Variants in NR4A3 observed in about 807,000 individuals in gnomAD.
NR4A3 encodes nuclear receptor subfamily 4 group A member 3.
In NR4A3, 13 loss-of-function variants were observed where a neutral mutation model predicts 55.6. That is an observed-to-expected ratio of 0.23 (90% CI 0.15 to 0.37). The LOEUF is 0.37. NR4A3 is among the 10% of genes least tolerant of loss of function. The pLI is 1.00. For synonymous variants in NR4A3, 342 were observed against 357.9 expected (o/e 0.96, Z 0.50); for missense variants, 646 against 822.8 (o/e 0.79, Z 2.63).
rs1043981489 is a variant in NR4A3, at chr9:99,833,856, C to T, written c.1254+402C>T. On this transcript the variant is annotated intron_variant, in intron 5 of 7. Coordinates refer to ENST00000395097, the MANE Select transcript of NR4A3 (RefSeq NM_006981.4). ...TCAAGTTATTACTAAGCAGTTTATC[C>T]AATTGCATCAGCATTGATTGACCTG... 2.9e-5 allele frequency: 37 copies of T among 1,270,976 alleles called. No homozygotes were observed. In the African/African-American group the frequency reaches 5.1e-4, roughly 18 times the overall value. 78.7% of individuals were successfully genotyped at this position (1,270,976 alleles called of 1,614,324 possible).
Position 99,863,533 on chromosome 9 carries a change from A to G in NR4A3, c.1634-87A>G, listed in dbSNP as rs901353210. The G allele has an allele frequency of 1.1e-5, 17 of 1,486,976 alleles. No homozygotes were observed. In the African/African-American group the frequency reaches 1.4e-4, roughly 12 times the overall value. The allele number at this position is 1,486,976 out of a possible 1,614,324, so 92.1% of individuals were successfully genotyped here. The stretch of plus-strand genomic sequence containing the variant: ...CAAAGAAGCTATCCAAACTGGCAGA[A>G]TGAGACACAGACCTCAATTAGGGAT... On this transcript the variant is annotated intron_variant, in intron 7 of 7. Transcript: ENST00000395097.
intron 1 of NR4A3, among the ~76,000 whole-genome samples, chr9:99,824,742 A>G (rs1024393161): frequency 2.0e-5 from 3 of 152,348 alleles, no homozygotes; most frequent in East Asian, 1.9e-4. Context: ...AGGGGGCGCT[A>G]TAGGCCGGAG....
chr9:99,827,258 ATGTGTGTGTG>A (rs35554489), intron 2 of NR4A3, among the ~76,000 whole-genome samples: 2 of 145,010 alleles, frequency 1.4e-5, no homozygotes, highest in Middle Eastern at 3.3e-3. Context: ...GGATATATAT[ATGTGTGTGTG>A]TGTGTGTGTG....
chr9:99,857,139 A>G (rs1827940703), intron 7 of NR4A3, among the ~76,000 whole-genome samples: 3 of 152,186 alleles, frequency 2.0e-5, no homozygotes, highest in Non-Finnish European at 2.9e-5. Context: ...TGAGAGGGAG[A>G]TATAAATGCA....
rs773300672 is a variant in NR4A3 at position 99,828,418 on chromosome 9, G to A, written c.376G>A (p.Glu126Lys). 2.5e-6 allele frequency: 4 copies of A among 1,585,050 alleles called. No individual in the cohort carries two copies. The highest frequency in any genetic ancestry group is 3.4e-6 in the Non-Finnish European group (4 of 1,165,126). The change falls in exon 3 of 8, where the codon GAG becomes AAG. Residue 126 changes from glutamate (E) to lysine (K), a missense_variant. Coordinates refer to ENST00000395097, the MANE Select transcript of NR4A3 (RefSeq NM_006981.4). This position sits in a 1 kb window ranked among gnomAD's most constrained non-coding sequence, Gnocchi z 7.7. ...SIPPASSPED[E>K]VLPSTSMYFK... ...TCCTCCAGCCTCCAGCCCGGAGGAC[G>A]AGGTGCTGCCCAGCACCTCCATGTA...
rs1365983398 is a variant in NR4A3 at position 99,822,046 on chromosome 9, G to C, written c.-538G>C. 1 of 152,732 alleles carries C rather than the reference G, an allele frequency of 6.5e-6. No homozygotes were observed. Among genetic ancestry groups the C allele is most frequent in the Non-Finnish European group, 1.5e-5 (1 of 68,362 alleles). The allele number at this position is 152,732 out of a possible 1,614,324, so 9.5% of individuals were successfully genotyped here. ...CTCCGCACACACACTTCGCTCTCCC[G>C]CGCGCTCACACCCCTCTTGCCCTGA... is the stretch of plus-strand genomic sequence containing the variant. On this transcript the variant is annotated 5_prime_UTR_variant, in exon 1 of 8. Coordinates refer to ENST00000395097, the MANE Select transcript of NR4A3 (RefSeq NM_006981.4). This position sits in a 1 kb window ranked among gnomAD's most constrained non-coding sequence, Gnocchi z 4.9.
At chr9:99,832,576 C>T (rs1348034842) in intron 3 of NR4A3, 113 bp from the exon 4 acceptor site, 16 of 861,408 alleles carry the variant, frequency 1.9e-5, no homozygotes, top group African/African-American at 5.2e-5. Context: ...TTAAATTTAT[C>T]GAATTATACG....
intron 7 of NR4A3, among the ~76,000 whole-genome samples, chr9:99,857,175 A>C (rs1827941544): frequency 6.6e-6 from 1 of 152,146 alleles, no homozygotes; most frequent in South Asian, 2.1e-4. Flanking sequence ...ATAATAACGG[A>C]AGTTCTTGCA....
At chr9:99,844,607 A>G (rs1034551678) in intron 5 of NR4A3, 42 bp from the exon 6 acceptor site, 3 of 1,539,772 alleles carry the variant, frequency 1.9e-6, no homozygotes, top group Non-Finnish European at 2.7e-6. Context: ...CATCATCCCC[A>G]CTGAAGCAGG....
Position 99,866,300 on chromosome 9 carries a change from G to A in NR4A3, c.*2433G>A, listed in dbSNP as rs1369158994. 1 of 221,648 alleles carries A rather than the reference G, an allele frequency of 4.5e-6. No individual in the cohort carries two copies. Among genetic ancestry groups the A allele is most frequent in the African/African-American group, 2.2e-5 (1 of 44,700 alleles). The allele number at this position is 221,648 out of a possible 1,614,324, so 13.7% of individuals were successfully genotyped here. Reference sequence around the variant, plus strand: ...ATTTGGAAAGTTAATCCTTGTTTTTGTCGTGTCTATAAAGGAAGAACAAAA... The same window carrying A: ...ATTTGGAAAGTTAATCCTTGTTTTTATCGTGTCTATAAAGGAAGAACAAAA... On this transcript the variant is annotated 3_prime_UTR_variant, in exon 8 of 8. Transcript: ENST00000395097.
intron 7 of NR4A3, among the ~76,000 whole-genome samples, chr9:99,850,603 G>A (rs188052841): frequency 6.0e-4 from 92 of 152,274 alleles, no homozygotes; most frequent in African/African-American, 2.1e-3. Context: ...AGTTTGGCAT[G>A]GCAGAAATAG....
At position 99,828,629 on chromosome 9, in the gene NR4A3, C is replaced by T. The variant is rs1205707272; in HGVS notation, c.587C>T (p.Ser196Leu). 6.8e-7 allele frequency: 1 copy of T among 1,478,962 alleles called. No individual in the cohort carries two copies. The highest frequency in any genetic ancestry group is 2.4e-5 in the Admixed American group (1 of 41,420). 91.6% of individuals were successfully genotyped at this position (1,478,962 alleles called of 1,614,324 possible). The change falls in exon 3 of 8, where the codon TCG becomes TTG. Residue 196 changes from serine (S) to leucine (L), a missense_variant. By Grantham distance (145) the Ser-to-Leu change is moderately radical. Around this residue, in one of 5 missense-constraint regions of NR4A3, gnomAD observed 426 missense variants for 429.4 expected, o/e 0.99. Transcript: ENST00000395097. This position sits in a 1 kb window ranked among gnomAD's most constrained non-coding sequence, Gnocchi z 7.7. ...TTCCCGCTCTTCCACTTCAAGCCCT[C>T]GCCGCCGCATCCCCCCGCGCCCAGC... ...ARFPLFHFKP[S>L]PPHPPAPSPA...
chr9:99,863,495 G>A, intron 7 of NR4A3, 125 bp from the exon 8 acceptor site: 1 of 1,136,938 alleles, frequency 8.8e-7, no homozygotes, highest in Non-Finnish European at 1.3e-6. Context: ...TAACAGGGAG[G>A]GCACTTTGAT....
intron 5 of NR4A3, among the ~76,000 whole-genome samples, chr9:99,841,123 CG>C (rs1446504860): frequency 6.6e-6 from 1 of 151,100 alleles, no homozygotes; most frequent in Non-Finnish European, 1.5e-5. Context: ...CCCAGCTACT[CG>C]GGAGGCTGAG....
At chr9:99,829,424 C>T (rs918461996) in intron 3 of NR4A3, among the ~76,000 whole-genome samples, 32 of 152,210 alleles carry the variant, frequency 2.1e-4, no homozygotes, top group African/African-American at 6.5e-4. Context: ...TAGAGTCAGA[C>T]ACATCTAAGA....
rs1487566598 is a variant in NR4A3, at chr9:99,825,516, A to G, written c.-176-143A>G. 1 of 152,250 alleles carries G rather than the reference A, an allele frequency of 6.6e-6. No individual in the cohort carries two copies. Among genetic ancestry groups the G allele is most frequent in the Admixed American group, 6.5e-5 (1 of 15,286 alleles). 9.4% of individuals were successfully genotyped at this position (152,250 alleles called of 1,614,324 possible). A position where few individuals can be genotyped will look rare whatever the true frequency, so the allele number is the denominator to read the frequency against. On this transcript the variant is annotated intron_variant, in intron 1 of 7. Transcript: ENST00000395097. This position sits in a 1 kb window ranked among gnomAD's most constrained non-coding sequence, Gnocchi z 5.0. ...ACTCCTGTACCATTAATCACCCTTA[A>G]TTTTACGATAATTCTTTGTAATTAA...
Position 99,830,461 on chromosome 9 carries a change from A to G in NR4A3, c.951+1468A>G, listed in dbSNP as rs547548027. ...GTTTTGTAAAAATGCACATTTGTGGAGGGATATACATAGCAACAAGCAACA... is the reference window on the plus strand; with the variant it reads ...GTTTTGTAAAAATGCACATTTGTGGGGGGATATACATAGCAACAAGCAACA... On this transcript the variant is annotated intron_variant, in intron 3 of 7. Transcript: ENST00000395097. Among the ~76,000 whole-genome samples the G allele has an allele frequency of 2.0e-5, 3 of 152,348 alleles. No homozygotes were observed. The South Asian group carries it at 6.2e-4, about 32-fold the overall frequency.
intron 2 of NR4A3, among the ~76,000 whole-genome samples, chr9:99,826,506 A>G (rs896677236): frequency 2.6e-5 from 4 of 152,260 alleles, no homozygotes; most frequent in Non-Finnish European, 5.9e-5. Context: ...AAAGAATGAC[A>G]GAAAAGAGTA....
intron 5 of NR4A3, chr9:99,833,808 T>C (rs1469268148): frequency 7.7e-7 from 1 of 1,306,110 alleles, no homozygotes; most frequent in African/African-American, 1.5e-5. Context: ...TTTCATATTG[T>C]GTTCAAACCA....
Sources: allele counts gnomAD v4.1 joint callset (sites outside exome capture counted in the v4.1 genomes callset), GRCh38; gene constraint gnomAD v4.1.1; regional missense constraint gnomAD v4.1.1; non-coding constraint Gnocchi (gnomAD v3.1); transcripts MANE v1.5; gene names NCBI Gene and HGNC (gene_info 2026-07-23, HGNC 2026-07-21).